The following ARHGAP40 variants were observed in gnomAD, a reference collection of about 807,000 sequenced individuals.
The protein encoded by ARHGAP40 is rho GTPase-activating protein 40.
ARHGAP40 carries 43 observed loss-of-function variants against 73.5 expected under a neutral mutation model. That is an observed-to-expected ratio of 0.58 (90% CI 0.46 to 0.75). The LOEUF is 0.75. Among genes scored for constraint, ARHGAP40 ranks in the 30% least tolerant of loss-of-function variants. The pLI is 0.00. For missense variants in ARHGAP40, 734 were observed against 861.8 expected (o/e 0.85, Z 1.86); for synonymous variants, 300 against 352.8 (o/e 0.85, Z 1.68).
chr20:38,615,701 TGCACCTG>T (rs2088832744), intron 1 of ARHGAP40, among the ~76,000 whole-genome samples: 1 of 152,172 alleles, frequency 6.6e-6, no homozygotes, highest in Admixed American at 6.5e-5. Flanking sequence ...CAGTGGCGTG[TGCACCTG>T]GCACCTGGGA....
chr20:38,616,402 T>G (rs1265679440), intron 1 of ARHGAP40, among the ~76,000 whole-genome samples: 1 of 152,122 alleles, frequency 6.6e-6, no homozygotes, highest in African/African-American at 2.4e-5. Flanking sequence ...GCTCAGGTGA[T>G]AGGGATAAGA....
chr20:38,629,648 C>A (rs2088925181), exon 5 of ARHGAP40: 2 of 1,305,152 alleles, frequency 1.5e-6, no homozygotes, highest in Admixed American at 2.3e-5. Flanking sequence ...GTGTTCCCTG[C>A]CGGTGAGGAT....
intron 1 of ARHGAP40, 128 bp downstream of exon 1, chr20:38,602,207 T>C: frequency 8.8e-7 from 1 of 1,132,086 alleles, no homozygotes; most frequent in Non-Finnish European, 1.1e-6. Flanking sequence ...AAACAGAGGC[T>C]TGGAGAGCCC....
intron 13 of ARHGAP40, among the ~76,000 whole-genome samples, chr20:38,648,343 AT>A (rs537193561): frequency 6.6e-6 from 1 of 152,230 alleles, no homozygotes; most frequent in South Asian, 2.1e-4. Flanking sequence ...GTCACCACTC[AT>A]TCCCTTGCCT....
chr20:38,635,038 T>A (rs1452307346), intron 6 of ARHGAP40, among the ~76,000 whole-genome samples: 1 of 151,974 alleles, frequency 6.6e-6, no homozygotes, highest in Non-Finnish European at 1.5e-5. Context: ...CGCACCACCA[T>A]GCCCAGCTAA....
chr20:38,620,731 C>T (rs779372157), intron 1 of ARHGAP40, among the ~76,000 whole-genome samples: 27 of 152,260 alleles, frequency 1.8e-4, no homozygotes, highest in Admixed American at 4.6e-4. Flanking sequence ...GTGCAAATGC[C>T]GGAGCCGTTG....
chr20:38,611,065 T>G (rs1398496324), intron 1 of ARHGAP40, among the ~76,000 whole-genome samples: 2 of 151,974 alleles, frequency 1.3e-5, no homozygotes, highest in Non-Finnish European at 2.9e-5. Context: ...AATTTTTGTA[T>G]TTTTAGTAGA....
At chr20:38,617,014 C>T (rs895623526) in intron 1 of ARHGAP40, among the ~76,000 whole-genome samples, 1 of 152,134 alleles carries the variant, frequency 6.6e-6, no homozygotes, top group Non-Finnish European at 1.5e-5. Context: ...GGCACAGTCT[C>T]GGCTCACTGC....
In ARHGAP40 at chr20:38,629,744, C is replaced by T. The variant is rs993771751; in HGVS notation, c.783+94C>T. ...CACACCTTCCACACTGACAGGCATCCAGCACAAAAGTTGTTAATTCATTCA... is the reference window on the plus strand; with the variant it reads ...CACACCTTCCACACTGACAGGCATCTAGCACAAAAGTTGTTAATTCATTCA... On this transcript the variant is annotated intron_variant, in intron 5 of 14. Coordinates refer to ENST00000373345, the Ensembl canonical transcript of ARHGAP40. The T allele has an allele frequency of 1.8e-5, 21 of 1,199,850 alleles. No homozygotes were observed. In the Admixed American group the frequency reaches 4.9e-4, roughly 28 times the overall value. The allele number at this position is 1,199,850 out of a possible 1,614,324, so 74.3% of individuals were successfully genotyped here.
chr20:38,618,473 A>G (rs1291197925), intron 1 of ARHGAP40, among the ~76,000 whole-genome samples: 1 of 152,040 alleles, frequency 6.6e-6, no homozygotes, highest in African/African-American at 2.4e-5. Flanking sequence ...AACAACCATC[A>G]TTTTATTCCG....
chr20:38,645,901 C>A, intron 11 of ARHGAP40, 146 bp from the exon 12 acceptor site: 3 of 779,120 alleles, frequency 3.9e-6, no homozygotes, highest in Non-Finnish European at 5.2e-6. Flanking sequence ...CAAACCAGTG[C>A]TTCCGTCCCG....
intron 2 of ARHGAP40, among the ~76,000 whole-genome samples, chr20:38,624,068 A>T (rs892915909): frequency 6.6e-6 from 1 of 152,238 alleles, no homozygotes; most frequent in Non-Finnish European, 1.5e-5. Flanking sequence ...GACTATTACT[A>T]TACCTCACTG....
intron 1 of ARHGAP40, among the ~76,000 whole-genome samples, chr20:38,616,028 C>T (rs1439682868): frequency 6.6e-6 from 1 of 152,210 alleles, no homozygotes; most frequent in Non-Finnish European, 1.5e-5. Flanking sequence ...CAGGCGGCAG[C>T]TGTCCAGGGA....
intron 1 of ARHGAP40, among the ~76,000 whole-genome samples, chr20:38,603,717 G>A (rs1228629564): frequency 1.3e-5 from 2 of 152,122 alleles, no homozygotes; most frequent in African/African-American, 4.8e-5. Flanking sequence ...TCCCCAAATC[G>A]AGGAGTCTGT....
chr20:38,640,652 C>T (rs1312541481), intron 9 of ARHGAP40, among the ~76,000 whole-genome samples: 2 of 152,152 alleles, frequency 1.3e-5, no homozygotes, highest in Non-Finnish European at 2.9e-5. Context: ...CTATTTCTGG[C>T]CCCCTTTCCT....
chr20:38,644,925 T>A (rs925723182), intron 11 of ARHGAP40, among the ~76,000 whole-genome samples: 1 of 151,974 alleles, frequency 6.6e-6, no homozygotes, highest in Non-Finnish European at 1.5e-5. Flanking sequence ...CCACAGTCCT[T>A]CCCTCTATCC....
At chr20:38,608,245 A>G (rs2088783779) in intron 1 of ARHGAP40, among the ~76,000 whole-genome samples, 1 of 152,066 alleles carries the variant, frequency 6.6e-6, no homozygotes, top group African/African-American at 2.4e-5. Context: ...TTCCCAGCAT[A>G]AAGACCTGCT....
chr20:38,603,446 T>TATCC (rs2145589972), intron 1 of ARHGAP40, among the ~76,000 whole-genome samples: 1 of 146,962 alleles, frequency 6.8e-6, no homozygotes, highest in East Asian at 2.0e-4. Flanking sequence ...TCTATCTATC[T>TATCC]ATCTATCTAT....
chr20:38,640,144 CT>C (rs11475716), intron 9 of ARHGAP40, among the ~76,000 whole-genome samples: 19,359 of 72,432 alleles, frequency 0.27, 2,744 homozygotes, highest in South Asian at 0.32. Flanking sequence ...CTTCTTCTTT[CT>C]TCTTCCTCTT....
Sources: allele counts gnomAD v4.1 joint callset (sites outside exome capture counted in the v4.1 genomes callset), GRCh38; gene constraint gnomAD v4.1.1; transcripts MANE v1.5; gene names NCBI Gene and HGNC (gene_info 2026-07-23, HGNC 2026-07-21).